Variants in ADAMTS3 observed in about 807,000 individuals in gnomAD.
ADAMTS3 encodes the protein A disintegrin and metalloproteinase with thrombospondin motifs 3.
A neutral mutation model predicts 129.0 loss-of-function variants in ADAMTS3; 73 were observed. The observed-to-expected ratio is 0.57, with a 90% confidence interval of 0.47 to 0.69. The LOEUF is 0.69. Among genes scored for constraint, ADAMTS3 ranks in the 30% least tolerant of loss-of-function variants. The pLI, the probability that ADAMTS3 is intolerant of heterozygous loss-of-function variation, is 0.00. For synonymous variants in ADAMTS3, 477 were observed against 510.8 expected (o/e 0.93, Z 0.89); for missense variants, 1,457 against 1,514.5 (o/e 0.96, Z 0.63).
intron 4 of ADAMTS3, among the ~76,000 whole-genome samples, chr4:72,356,091 C>T (rs1720574809): frequency 6.6e-6 from 1 of 151,956 alleles, no homozygotes; most frequent in Non-Finnish European, 1.5e-5. Context: ...ACTGGAAATA[C>T]AGCAAGTGAT....
chr4:72,307,526 G>T (rs1719119115), intron 15 of ADAMTS3, among the ~76,000 whole-genome samples: 1 of 151,952 alleles, frequency 6.6e-6, no homozygotes. Context: ...AATTAGTGGA[G>T]GGTTCATGTT....
At chr4:72,361,703 C>G (rs1268697660) in intron 4 of ADAMTS3, among the ~76,000 whole-genome samples, 1 of 152,084 alleles carries the variant, frequency 6.6e-6, no homozygotes, top group African/African-American at 2.4e-5. Context: ...CCCATGATCA[C>G]TGCAAAACAC....
rs534710232 is a variant in ADAMTS3, at chr4:72,553,084, C to T, written c.98-4200G>A. ...GTGAATGAATGAGAGCAGTTTGAGT[C>T]GGAAGGGGTATGTGAAATTAGCATG... is the stretch of plus-strand genomic sequence containing the variant. On this transcript the variant is annotated intron_variant, in intron 2 of 21. Transcript: ENST00000286657. 4.2e-4 allele frequency among the ~76,000 whole-genome samples: 15 copies of T among 35,594 alleles called. No homozygotes were observed. In the East Asian group the frequency reaches 4.5e-3, roughly 11 times the overall value. 23.4% of individuals were successfully genotyped at this position (35,594 alleles called of 152,430 possible). A position where few individuals can be genotyped will look rare whatever the true frequency, so the allele number is the denominator to read the frequency against.
At chr4:72,500,311 A>C (rs537555621) in intron 3 of ADAMTS3, among the ~76,000 whole-genome samples, 1 of 152,254 alleles carries the variant, frequency 6.6e-6, no homozygotes, top group African/African-American at 2.4e-5. Context: ...AATAATAACC[A>C]TTCTGACTGG....
intron 5 of ADAMTS3, among the ~76,000 whole-genome samples, chr4:72,329,177 A>C (rs1450230275): frequency 6.6e-6 from 1 of 152,180 alleles, no homozygotes; most frequent in Non-Finnish European, 1.5e-5. Flanking sequence ...ACAGCCTATA[A>C]GCATGAAAAA....
At chr4:72,345,433 TAA>T (rs1466123201) in intron 4 of ADAMTS3, among the ~76,000 whole-genome samples, 1 of 152,162 alleles carries the variant, frequency 6.6e-6, no homozygotes, top group Non-Finnish European at 1.5e-5. Flanking sequence ...TAAAAAAATT[TAA>T]AGTTATCACT....
At chr4:72,320,371 T>G (rs1719520147) in intron 7 of ADAMTS3, among the ~76,000 whole-genome samples, 1 of 152,188 alleles carries the variant, frequency 6.6e-6, no homozygotes, top group South Asian at 2.1e-4. Context: ...GTAAGCTGAC[T>G]TTGGAAGAAA....
At chr4:72,518,780 A>T (rs1469284665) in intron 3 of ADAMTS3, among the ~76,000 whole-genome samples, 5 of 149,508 alleles carry the variant, frequency 3.3e-5, no homozygotes, top group Non-Finnish European at 6.0e-5. Context: ...ATGGGTCTTG[A>T]CTCTTTATCC....
At chr4:72,420,009 G>C (rs16847899) in intron 3 of ADAMTS3, among the ~76,000 whole-genome samples, 5,554 of 152,154 alleles carry the variant, frequency 0.037, 124 homozygotes, top group Non-Finnish European at 0.048. Context: ...TAGCAAAAGT[G>C]GCAATGGGAA....
intron 21 of ADAMTS3, among the ~76,000 whole-genome samples, chr4:72,287,217 T>G (rs1718528422): frequency 6.6e-6 from 1 of 152,006 alleles, no homozygotes; most frequent in South Asian, 2.1e-4. Context: ...AATCTGCTGA[T>G]GCCTTGATCA....
chr4:72,473,279 A>C (rs528054995), intron 3 of ADAMTS3, among the ~76,000 whole-genome samples: 62 of 152,248 alleles, frequency 4.1e-4, no homozygotes, highest in Middle Eastern at 6.8e-3. Flanking sequence ...GGAGAGAAGA[A>C]GGCAGACTAG....
intron 3 of ADAMTS3, among the ~76,000 whole-genome samples, chr4:72,520,371 C>A (rs4356890): frequency 0.24 from 36,086 of 152,134 alleles, 4,817 homozygotes; most frequent in East Asian, 0.44. Flanking sequence ...CTCTTCAAAG[C>A]TGTCAGACAG....
intron 5 of ADAMTS3, among the ~76,000 whole-genome samples, chr4:72,328,694 A>G (rs1324730376): frequency 2.1e-5 from 2 of 94,414 alleles, no homozygotes; most frequent in Admixed American, 9.0e-5. Flanking sequence ...CCTTGCAAAT[A>G]TAAAAAAAAA....
intron 4 of ADAMTS3, among the ~76,000 whole-genome samples, chr4:72,354,260 T>C (rs1482879578): frequency 6.6e-6 from 1 of 151,998 alleles, no homozygotes; most frequent in Admixed American, 6.6e-5. Context: ...AACCTGTTGA[T>C]ATTCCTCCCA....
intron 4 of ADAMTS3, among the ~76,000 whole-genome samples, chr4:72,376,510 T>C (rs757592707): frequency 6.6e-6 from 1 of 152,176 alleles, no homozygotes; most frequent in African/African-American, 2.4e-5. Context: ...ACTGAAGATC[T>C]GAATCACTGA....
intron 3 of ADAMTS3, among the ~76,000 whole-genome samples, chr4:72,482,042 C>T (rs996096114): frequency 4.6e-5 from 7 of 152,042 alleles, no homozygotes; most frequent in East Asian, 3.9e-4. Flanking sequence ...AACATTCATA[C>T]GTTGCTGGTG....
intron 3 of ADAMTS3, among the ~76,000 whole-genome samples, chr4:72,419,153 A>C (rs143846360): frequency 6.6e-6 from 1 of 152,240 alleles, no homozygotes; most frequent in African/African-American, 2.4e-5. Flanking sequence ...AATTATTCTA[A>C]CTGAAAATAA....
At chr4:72,293,515 T>G (rs1377036951) in intron 19 of ADAMTS3, among the ~76,000 whole-genome samples, 4 of 152,150 alleles carry the variant, frequency 2.6e-5, no homozygotes, top group African/African-American at 9.7e-5. Flanking sequence ...CAGAACAGCC[T>G]TTAAACTGGC....
intron 3 of ADAMTS3, among the ~76,000 whole-genome samples, chr4:72,532,790 A>G (rs941389725): frequency 6.6e-6 from 1 of 152,178 alleles, no homozygotes; most frequent in Non-Finnish European, 1.5e-5. Flanking sequence ...ATAACATAGG[A>G]AGTATTTGTG....
Sources: allele counts gnomAD v4.1 joint callset (sites outside exome capture counted in the v4.1 genomes callset), GRCh38; gene constraint gnomAD v4.1.1; transcripts MANE v1.5; gene names NCBI Gene and HGNC (gene_info 2026-07-23, HGNC 2026-07-21).